The following DCAF1 variants were observed in gnomAD, a reference collection of about 807,000 sequenced individuals.
DCAF1 encodes DDB1- and CUL4-associated factor 1.
In DCAF1, 15 loss-of-function variants were observed where a neutral mutation model predicts 128.0. The ratio of observed to expected loss-of-function variants is 0.12; its 90% CI spans 0.08 to 0.18. The LOEUF is 0.18. DCAF1 is among the 10% of genes least tolerant of loss of function. The probability of loss-of-function intolerance (pLI) is 1.00; values close to 1 mark genes in which losing one functional copy is unlikely to be tolerated. For synonymous variants in DCAF1, 610 were observed against 603.0 expected (o/e 1.01, Z -0.17); for missense variants, 988 against 1,649.5 (o/e 0.60, Z 6.95).
At chr3:51,423,833 A>AG (rs1699655036) in intron 13 of DCAF1, among the ~76,000 whole-genome samples, 1 of 151,734 alleles carries the variant, frequency 6.6e-6, no homozygotes, top group South Asian at 2.1e-4. Context: ...AAAAAAAAAA[A>AG]AAAGAAAGAA....
At chr3:51,431,992 G>T (rs1000426522) in intron 10 of DCAF1, among the ~76,000 whole-genome samples, 7 of 151,648 alleles carry the variant, frequency 4.6e-5, no homozygotes, top group Non-Finnish European at 8.8e-5. Flanking sequence ...AAAAAAAAAG[G>T]CCGGGCATGG....
At chr3:51,427,631 T>C in intron 12 of DCAF1, 90 bp from the exon 13 acceptor site, 2 of 445,110 alleles carry the variant, frequency 4.5e-6, no homozygotes, top group South Asian at 6.6e-5. Context: ...CCAAGAGATT[T>C]TATTTTATTT....
At position 51,443,710 on chromosome 3, in the gene DCAF1, G is replaced by A. The variant is rs529839047; in HGVS notation, c.513+56C>T. ...CTACTTATTCAGATTCAAGTAACAA[G>A]AACCTGTGAATACTCTCCCATTTTA... On this transcript the variant is annotated intron_variant, in intron 7 of 24. Coordinates refer to ENST00000684031, the MANE Select transcript of DCAF1 (RefSeq NM_001387579.1). 5.8e-5 allele frequency: 86 copies of A among 1,473,294 alleles called. 1 individual carries two copies. In the South Asian group the frequency reaches 9.5e-4, roughly 16 times the overall value. 91.3% of individuals were successfully genotyped at this position (1,473,294 alleles called of 1,614,324 possible). A position where few individuals can be genotyped will look rare whatever the true frequency, so the allele number is the denominator to read the frequency against.
chr3:51,441,643 T>C lies in DCAF1; in HGVS notation c.768A>G (p.Thr256=), dbSNP rs1553638758. Residue 256 remains threonine (T), a synonymous_variant, in exon 8 of 25, where the codon ACA becomes ACG. Coordinates refer to ENST00000684031, the MANE Select transcript of DCAF1 (RefSeq NM_001387579.1). ...TTAATCCTCCATCCTCAGGTTTGGT[T>C]GTTGAGTTCACTCTGCTACTAGTCT... ...GHKTSSRVNS[T]TKPEDGGLKK... is the part of the protein sequence containing the mutation. 28 of 1,613,880 alleles carry C rather than the reference T, an allele frequency of 1.7e-5. No homozygotes were observed. The highest frequency in any genetic ancestry group is 2.4e-5 in the Non-Finnish European group (28 of 1,179,890).
intron 3 of DCAF1, among the ~76,000 whole-genome samples, chr3:51,474,727 C>T (rs1387091020): frequency 6.6e-6 from 1 of 151,578 alleles, no homozygotes; most frequent in East Asian, 1.9e-4. Flanking sequence ...CTCAAACAAT[C>T]CTCCTGCGTC....
intron 1 of DCAF1, among the ~76,000 whole-genome samples, chr3:51,498,097 T>C (rs1253848095): frequency 7.7e-6 from 1 of 129,384 alleles, no homozygotes; most frequent in African/African-American, 2.9e-5. Context: ...CGCAGTGGCT[T>C]ACATCTGTAA....
chr3:51,488,941 C>T (rs1009746782), intron 2 of DCAF1, among the ~76,000 whole-genome samples: 6 of 151,996 alleles, frequency 3.9e-5, no homozygotes, highest in Non-Finnish European at 5.9e-5. Flanking sequence ...TTCCAGTCTG[C>T]GCGACAGGGC....
At chr3:51,400,596 C>T (rs1428966694) in intron 24 of DCAF1, among the ~76,000 whole-genome samples, 1 of 152,130 alleles carries the variant, frequency 6.6e-6, no homozygotes, top group African/African-American at 2.4e-5. Flanking sequence ...GCACCAACTC[C>T]CCTCTGGTGG....
At chr3:51,483,663 T>A in intron 3 of DCAF1, 56 bp downstream of exon 3, 1 of 1,036,034 alleles carries the variant, frequency 9.7e-7, no homozygotes, top group South Asian at 1.3e-5. Flanking sequence ...AAATCTAGCG[T>A]ATGAGTTGTG....
intron 1 of DCAF1, among the ~76,000 whole-genome samples, chr3:51,499,004 A>C (rs2108625495): frequency 6.6e-6 from 1 of 152,334 alleles, no homozygotes; most frequent in South Asian, 2.1e-4. Flanking sequence ...AAACAGGGTA[A>C]GGAAAAACCA....
chr3:51,450,116 C>A (rs921210790), intron 6 of DCAF1, among the ~76,000 whole-genome samples: 2 of 152,146 alleles, frequency 1.3e-5, no homozygotes, highest in African/African-American at 4.8e-5. Context: ...GAGGCTGAGG[C>A]AGGAGGATCA....
intron 9 of DCAF1, among the ~76,000 whole-genome samples, 191 bp from the exon 10 acceptor site, chr3:51,433,455 C>G (rs2107588694): frequency 6.6e-6 from 1 of 151,890 alleles, no homozygotes; most frequent in South Asian, 2.1e-4. Flanking sequence ...CTTTTCTTTC[C>G]TAACACCAGG....
intron 4 of DCAF1, among the ~76,000 whole-genome samples, chr3:51,468,066 T>C (rs1704325755): frequency 6.6e-6 from 1 of 152,146 alleles, no homozygotes. Context: ...ACCTTGCCCA[T>C]CTTAACTTAG....
At chr3:51,483,633 G>A (rs1480940566) in intron 3 of DCAF1, 86 bp downstream of exon 3, 6 of 849,772 alleles carry the variant, frequency 7.1e-6, no homozygotes, top group Admixed American at 5.6e-5. Context: ...GTGTGTGTGT[G>A]TGTGTGTGTG....
chr3:51,451,836 A>G (rs966880440), intron 6 of DCAF1, among the ~76,000 whole-genome samples: 1 of 152,146 alleles, frequency 6.6e-6, no homozygotes, highest in African/African-American at 2.4e-5. Flanking sequence ...TTTTAAAAAC[A>G]GTGGCGGAAT....
At chr3:51,400,445 C>A (rs993254756) in intron 24 of DCAF1, among the ~76,000 whole-genome samples, 1 of 152,226 alleles carries the variant, frequency 6.6e-6, no homozygotes, top group African/African-American at 2.4e-5. Flanking sequence ...AGCAGCTATG[C>A]AGCTCTTAAG....
intron 4 of DCAF1, among the ~76,000 whole-genome samples, chr3:51,469,576 C>G (rs1373995820): frequency 6.6e-6 from 1 of 152,038 alleles, no homozygotes; most frequent in Non-Finnish European, 1.5e-5. Flanking sequence ...GGCTATCAAG[C>G]TTATATGTAC....
chr3:51,403,210 C>T lies in DCAF1; in HGVS notation c.4398G>A (p.Glu1466=). The T allele has an allele frequency of 6.2e-7, 1 of 1,613,980 alleles. No individual in the cohort carries two copies. Among genetic ancestry groups the T allele is most frequent in the Non-Finnish European group, 8.5e-7 (1 of 1,179,880 alleles). Residue 1466 remains glutamate (E), a synonymous_variant, in exon 24 of 25, where the codon GAG becomes GAA. Coordinates refer to ENST00000684031, the MANE Select transcript of DCAF1 (RefSeq NM_001387579.1). The part of the protein sequence containing the change: ...PSDEELANLL[E]EGEDGEDEDS... ...CTTCATCCTCCCCGTCCTCTCCCTC[C>T]TCTAGAAGGTTTGCTAGCTCCTCAT...
At chr3:51,481,259 A>C (rs1706159825) in intron 3 of DCAF1, among the ~76,000 whole-genome samples, 1 of 152,212 alleles carries the variant, frequency 6.6e-6, no homozygotes, top group Non-Finnish European at 1.5e-5. Context: ...GAATGTAGGT[A>C]TGAATGAAGG....
Sources: allele counts gnomAD v4.1 joint callset (sites outside exome capture counted in the v4.1 genomes callset), GRCh38; gene constraint gnomAD v4.1.1; transcripts MANE v1.5; gene names NCBI Gene and HGNC (gene_info 2026-07-23, HGNC 2026-07-21).